ULK4: variants seen among roughly 807,000 people sequenced by gnomAD.
ULK4 encodes the protein unc-51 like kinase 4.
ULK4 carries 133 observed loss-of-function variants against 160.6 expected under a neutral mutation model. The observed-to-expected ratio is 0.83, with a 90% CI of 0.72 to 0.96. The LOEUF (loss-of-function observed/expected upper bound fraction) is 0.96, where lower values mean the gene tolerates loss of function less well. Ranked by LOEUF, ULK4 falls within the 40% of genes least tolerant of loss-of-function variation. The pLI, the probability that ULK4 is intolerant of heterozygous loss-of-function variation, is 0.00. For missense variants in ULK4, 1,580 were observed against 1,499.5 expected, an observed-to-expected ratio of 1.05 and a Z score of -0.89; for synonymous variants, 534 against 539.8, an observed-to-expected ratio of 0.99 and a Z score of 0.15.
At chr3:41,305,075 A>C (rs1351858582) in intron 35 of ULK4, among the ~76,000 whole-genome samples, 1 of 152,220 alleles carries the variant, frequency 6.6e-6, no homozygotes, top group Non-Finnish European at 1.5e-5. Context: ...TGTTGCTTAA[A>C]TGGTGGAGAG....
At chr3:41,508,079 G>T (rs1457417255) in intron 32 of ULK4, among the ~76,000 whole-genome samples, 2 of 152,228 alleles carry the variant, frequency 1.3e-5, no homozygotes, top group African/African-American at 4.8e-5. Context: ...ACTAGAGTCG[G>T]TGCCGCTGGG....
chr3:41,561,200 C>T (rs1043852257), intron 32 of ULK4, among the ~76,000 whole-genome samples: 1 of 152,148 alleles, frequency 6.6e-6, no homozygotes, highest in Non-Finnish European at 1.5e-5. Context: ...AGCCTTGCAT[C>T]CCAGGGACGA....
chr3:41,761,066 A>G (rs977770618), intron 21 of ULK4, among the ~76,000 whole-genome samples: 1 of 152,178 alleles, frequency 6.6e-6, no homozygotes, highest in African/African-American at 2.4e-5. Context: ...CAGGGAAGAC[A>G]TCCATGATTG....
At chr3:41,517,686 C>T (rs551799926) in intron 32 of ULK4, among the ~76,000 whole-genome samples, 1 of 152,190 alleles carries the variant, frequency 6.6e-6, no homozygotes, top group Non-Finnish European at 1.5e-5. Flanking sequence ...ACTCGCTGTT[C>T]TGAAGAGAAA....
At chr3:41,664,559 T>C (rs546381760) in intron 29 of ULK4, among the ~76,000 whole-genome samples, 14 of 152,174 alleles carry the variant, frequency 9.2e-5, no homozygotes, top group African/African-American at 3.1e-4. Flanking sequence ...CTAAAATGTA[T>C]CAAAATTCCA....
intron 17 of ULK4, among the ~76,000 whole-genome samples, chr3:41,839,338 T>C (rs2041846492): frequency 6.8e-6 from 1 of 146,168 alleles, no homozygotes. Context: ...AGACTCTGTC[T>C]CAAAAAAAAG....
At chr3:41,892,118 A>G (rs1697989874) in intron 16 of ULK4, among the ~76,000 whole-genome samples, 1 of 152,212 alleles carries the variant, frequency 6.6e-6, no homozygotes, top group African/African-American at 2.4e-5. Flanking sequence ...GTAAAAAGCA[A>G]CCTATGTAAT....
At chr3:41,910,176 G>A (rs1041800841) in intron 11 of ULK4, among the ~76,000 whole-genome samples, 17 of 152,132 alleles carry the variant, frequency 1.1e-4, no homozygotes, top group Non-Finnish European at 1.6e-4. Flanking sequence ...GATTACAGGC[G>A]TGAGCTACTG....
intron 31 of ULK4, among the ~76,000 whole-genome samples, chr3:41,598,856 A>G (rs769258349): frequency 9.8e-5 from 15 of 152,376 alleles, no homozygotes; most frequent in Middle Eastern, 3.4e-3. Flanking sequence ...AAAACAACAT[A>G]AATTGACTAT....
chr3:41,673,376 A>G (rs1399221180), intron 29 of ULK4, among the ~76,000 whole-genome samples: 2 of 152,142 alleles, frequency 1.3e-5, no homozygotes, highest in East Asian at 3.9e-4. Flanking sequence ...TAAGGCAACT[A>G]CACAACCCTA....
chr3:41,716,237 TAA>T (rs2037262774), intron 23 of ULK4, among the ~76,000 whole-genome samples: 1 of 147,230 alleles, frequency 6.8e-6, no homozygotes, highest in Admixed American at 6.8e-5. Flanking sequence ...ATAATAATAA[TAA>T]TAATAATAAT....
intron 35 of ULK4, among the ~76,000 whole-genome samples, chr3:41,339,339 C>A (rs1282845102): frequency 2.6e-5 from 4 of 152,172 alleles, no homozygotes; most frequent in Non-Finnish European, 5.9e-5. Context: ...ACATCCCACA[C>A]AATGCCCCTT....
chr3:41,500,388 T>C (rs1010819424), intron 32 of ULK4, among the ~76,000 whole-genome samples: 2 of 149,798 alleles, frequency 1.3e-5, no homozygotes, highest in Non-Finnish European at 3.0e-5. Context: ...CAAAAATCTT[T>C]ATTTCATTGG....
intron 35 of ULK4, among the ~76,000 whole-genome samples, chr3:41,288,956 G>A (rs577694143): frequency 2.0e-5 from 3 of 152,136 alleles, no homozygotes; most frequent in African/African-American, 7.2e-5. Context: ...GCAGGCACAC[G>A]GCAGGCCCCA....
chr3:41,397,399 G>T (rs1364368399), intron 35 of ULK4, among the ~76,000 whole-genome samples: 2 of 152,066 alleles, frequency 1.3e-5, no homozygotes, highest in Non-Finnish European at 2.9e-5. Context: ...ACTACACATT[G>T]ATTAAACCAA....
intron 17 of ULK4, among the ~76,000 whole-genome samples, chr3:41,853,062 A>C (rs1163519185): frequency 6.6e-6 from 1 of 152,208 alleles, no homozygotes; most frequent in African/African-American, 2.4e-5. Context: ...GCCTCTAATG[A>C]AGTCAAAATG....
chr3:41,735,370 C>T (rs1559516522), intron 22 of ULK4, among the ~76,000 whole-genome samples: 1 of 152,014 alleles, frequency 6.6e-6, no homozygotes, highest in East Asian at 1.9e-4. Flanking sequence ...ATAAAGAATT[C>T]ACACTCCTTG....
At chr3:41,598,953 T>C (rs1020544903) in intron 31 of ULK4, among the ~76,000 whole-genome samples, 1 of 152,240 alleles carries the variant, frequency 6.6e-6, no homozygotes, top group African/African-American at 2.4e-5. Context: ...TTCTGGAGGC[T>C]CCAGGGGAAA....
At chr3:41,935,017 A>ATTTTTTTTTTTTTTTTTTTTTT (rs10635589) in intron 4 of ULK4, among the ~76,000 whole-genome samples, 1 of 112,876 alleles carries the variant, frequency 8.9e-6, no homozygotes. Context: ...TTATTTATTA[A>ATTTTTTTTTTTTTTTTTTTTTT]TTTTTTTTTT....
Sources: gnomAD v4.1 joint callset for allele counts (sites outside exome capture counted in the v4.1 genomes callset) on GRCh38, gnomAD v4.1.1 for gene constraint, MANE v1.5 for transcripts, NCBI Gene and HGNC (gene_info 2026-07-23, HGNC 2026-07-21) for gene names.